Variants in ADAMTSL2 observed in about 807,000 individuals in gnomAD.
ADAMTSL2 encodes the protein ADAMTS like 2, also known as ADAMTS-like protein 2.
A neutral mutation model predicts 117.0 loss-of-function variants in ADAMTSL2; 55 were observed. That is an observed-to-expected ratio of 0.47 (90% confidence interval 0.38 to 0.59). The LOEUF (loss-of-function observed/expected upper bound fraction) is 0.59. ADAMTSL2 is among the 20% of genes least tolerant of loss of function. ADAMTSL2 has a pLI of 0.00. For synonymous variants in ADAMTSL2, 572 were observed against 566.4 expected (o/e 1.01, Z -0.14); for missense variants, 1,182 against 1,354.5 (o/e 0.87, Z 2.00).
At chr9:133,539,635 G>A (rs1353177931) in intron 4 of ADAMTSL2, 136 bp from the exon 5 acceptor site, 28 of 94,728 alleles carry the variant, frequency 3.0e-4, no homozygotes, top group Non-Finnish European at 4.4e-4. Flanking sequence ...AGGCCACCCC[G>A]TGGGCCGTGG....
chr9:133,552,009 T>G (rs1243741135), intron 9 of ADAMTSL2, among the ~76,000 whole-genome samples: 1 of 151,894 alleles, frequency 6.6e-6, no homozygotes, highest in South Asian at 2.1e-4. Flanking sequence ...TTTGTACTTT[T>G]AGTAGAGATG....
intron 4 of ADAMTSL2, among the ~76,000 whole-genome samples, chr9:133,539,352 T>C (rs1383987910): frequency 1.3e-5 from 2 of 152,206 alleles, no homozygotes; most frequent in Non-Finnish European, 1.5e-5. Flanking sequence ...TCTTCCTGAT[T>C]TACGCAGTGT....
chr9:133,550,760 C>T (rs1249191457), intron 9 of ADAMTSL2, among the ~76,000 whole-genome samples: 1 of 152,114 alleles, frequency 6.6e-6, no homozygotes, highest in Non-Finnish European at 1.5e-5. Flanking sequence ...CCACATGTAG[C>T]TTCCATCCCT....
chr9:133,571,151 C>T (rs759570312), intron 17 of ADAMTSL2, among the ~76,000 whole-genome samples: 229 of 152,332 alleles, frequency 1.5e-3, no homozygotes, highest in Non-Finnish European at 2.8e-3. Context: ...GCACGTGTGG[C>T]AACCCTCACC....
At chr9:133,570,768 C>T (rs984841291) in intron 17 of ADAMTSL2, among the ~76,000 whole-genome samples, 6 of 152,198 alleles carry the variant, frequency 3.9e-5, no homozygotes, top group South Asian at 2.1e-4. Flanking sequence ...CCGGGAACTC[C>T]GGCCTCGAAT....
chr9:133,570,648 A>G (rs2131185451), intron 17 of ADAMTSL2, 141 bp downstream of exon 17: 2 of 969,042 alleles, frequency 2.1e-6, no homozygotes, highest in South Asian at 2.9e-5. Flanking sequence ...TTCCCGGGAA[A>G]GCTTCTCAAC....
Position 133,566,920 on chromosome 9 carries a change from CCT to C in ADAMTSL2, c.1748-15_1748-14del. On this transcript the variant is annotated splice_polypyrimidine_tract_variant and intron_variant, in intron 12 of 18. Coordinates refer to ENST00000651351, the MANE Select transcript of ADAMTSL2 (RefSeq NM_014694.4). ...TGCCGGCATGGCTCACAGACCCACC[CCT>C]GTCCCCAACCCAGGGGTCATGTCTG... 2 of 1,601,074 alleles carry C rather than the reference CCT, an allele frequency of 1.2e-6. No homozygotes were observed. The highest frequency in any genetic ancestry group is 1.7e-6 in the Non-Finnish European group (2 of 1,174,468).
At chr9:133,553,778 G>C (rs35749542) in intron 9 of ADAMTSL2, among the ~76,000 whole-genome samples, 18,558 of 152,286 alleles carry the variant, frequency 0.12, 1,430 homozygotes, top group Admixed American at 0.17. Flanking sequence ...GGCAGCAGGG[G>C]TCTGTGGAGG....
chr9:133,539,877 C>A lies in ADAMTSL2; in HGVS notation c.412+4C>A. On this transcript the variant is annotated splice_donor_region_variant and intron_variant, in intron 5 of 18. Coordinates refer to ENST00000651351, the MANE Select transcript of ADAMTSL2 (RefSeq NM_014694.4). ...CAGTGGAAGCCTCTGTACCCGGGTA[C>A]CTGCCGCCCTGGGGACCCACCTTGC... is the stretch of plus-strand genomic sequence containing the variant. 1 of 1,550,850 alleles carries A rather than the reference C, an allele frequency of 6.4e-7. No homozygotes were observed. The highest frequency in any genetic ancestry group is 8.7e-7 in the Non-Finnish European group (1 of 1,146,954).
chr9:133,563,524 G>A (rs1830797998), intron 12 of ADAMTSL2, among the ~76,000 whole-genome samples: 2 of 152,288 alleles, frequency 1.3e-5, no homozygotes, highest in Admixed American at 6.5e-5. Context: ...AGGGGACGTC[G>A]CTCGAGACGT....
At chr9:133,539,667 T>TGTCCCGGCA in intron 4 of ADAMTSL2, 104 bp from the exon 5 acceptor site, 2 of 1,160,620 alleles carry the variant, frequency 1.7e-6, no homozygotes, top group Non-Finnish European at 2.5e-6. Context: ...CTGTCCCGGC[T>TGTCCCGGCA]GTCCCGGCTG....
At chr9:133,553,183 C>A (rs1830526314) in intron 9 of ADAMTSL2, among the ~76,000 whole-genome samples, 1 of 152,176 alleles carries the variant, frequency 6.6e-6, no homozygotes, top group Non-Finnish European at 1.5e-5. Context: ...TTTTGAGGCC[C>A]TGAAGGCTTG....
At chr9:133,542,954 A>T (rs1830259686) in intron 7 of ADAMTSL2, among the ~76,000 whole-genome samples, 1 of 148,792 alleles carries the variant, frequency 6.7e-6, no homozygotes, top group Non-Finnish European at 1.5e-5. Context: ...GTCTATAACT[A>T]TTTTTTTTTT....
At position 133,574,866 on chromosome 9, in the gene ADAMTSL2, C is replaced by A. The variant is rs1266044923; in HGVS notation, c.*2C>A. 2.5e-6 allele frequency: 4 copies of A among 1,588,714 alleles called. No individual in the cohort carries two copies. The highest frequency in any genetic ancestry group is 3.4e-6 in the Non-Finnish European group (4 of 1,161,412). Reference sequence around the variant, plus strand: ...TCCTGCAGGCCCCCCCACTCCTAGGCCCGGCAGCTGCAGCCCCTTCCAGAT... The same window carrying A: ...TCCTGCAGGCCCCCCCACTCCTAGGACCGGCAGCTGCAGCCCCTTCCAGAT... On this transcript the variant is annotated 3_prime_UTR_variant, in exon 19 of 19. Transcript: ENST00000651351.
At chr9:133,537,584 T>C (rs747804583) in intron 3 of ADAMTSL2, 37 bp downstream of exon 3, 11 of 1,336,142 alleles carry the variant, frequency 8.2e-6, no homozygotes, top group African/African-American at 3.0e-5. Context: ...GGGGATGGCA[T>C]GAGGGCAGGG....
At position 133,561,600 on chromosome 9, in the gene ADAMTSL2, C is replaced by T. The variant is rs1192472508; in HGVS notation, c.1747+305C>T. On this transcript the variant is annotated intron_variant, in intron 12 of 18. Coordinates refer to ENST00000651351, the MANE Select transcript of ADAMTSL2 (RefSeq NM_014694.4). ...TGATACCATGTTTTGTTAGGGCAAACATCCTTTGGGTTAAAAGTAAGAAAT... is the reference window on the plus strand; with the variant it reads ...TGATACCATGTTTTGTTAGGGCAAATATCCTTTGGGTTAAAAGTAAGAAAT... Among the ~76,000 whole-genome samples the T allele has an allele frequency of 2.0e-5, 3 of 152,200 alleles. No homozygotes were observed. In the East Asian group the frequency reaches 5.8e-4, roughly 29 times the overall value.
chr9:133,547,870 C>T (rs535872224), intron 9 of ADAMTSL2, among the ~76,000 whole-genome samples: 20 of 152,336 alleles, frequency 1.3e-4, no homozygotes, highest in Middle Eastern at 3.4e-3. Flanking sequence ...CAGGAGGGAG[C>T]GTGGGCCTGT....
chr9:133,568,584 C>T lies in ADAMTSL2; in HGVS notation c.2089-19C>T, dbSNP rs1374767264. On this transcript the variant is annotated intron_variant, in intron 14 of 18. Coordinates refer to ENST00000651351, the MANE Select transcript of ADAMTSL2 (RefSeq NM_014694.4). Reference sequence around the variant, plus strand: ...CACCTGTGTCACACCCCCCCTGCCCCCTCCCCCTGCCGCCCCAGTGCACTG... The same window carrying T: ...CACCTGTGTCACACCCCCCCTGCCCTCTCCCCCTGCCGCCCCAGTGCACTG... 14 of 1,564,592 alleles carry T rather than the reference C, an allele frequency of 8.9e-6. No homozygotes were observed. The African/African-American group carries it at 1.9e-4, about 21-fold the overall frequency.
chr9:133,544,141 T>A (rs1830292283), intron 7 of ADAMTSL2, among the ~76,000 whole-genome samples: 1 of 152,246 alleles, frequency 6.6e-6, no homozygotes, highest in South Asian at 2.1e-4. Context: ...GCCCAGGGTC[T>A]CCTGGGTGAC....
Sources: gnomAD v4.1 joint callset for allele counts (sites outside exome capture counted in the v4.1 genomes callset) on GRCh38, gnomAD v4.1.1 for gene constraint, MANE v1.5 for transcripts, NCBI Gene and HGNC (gene_info 2026-07-23, HGNC 2026-07-21) for gene names.